PTPRG: variants seen among roughly 807,000 people sequenced by gnomAD.
The protein encoded by PTPRG is receptor-type tyrosine-protein phosphatase gamma.
Under a neutral mutation model 165.3 loss-of-function variants are expected in PTPRG, and 102 were observed. The observed-to-expected ratio is 0.62, with a 90% CI of 0.53 to 0.73. PTPRG has a LOEUF of 0.73. PTPRG is among the 30% of genes least tolerant of loss of function. The pLI, the probability that PTPRG is intolerant of heterozygous loss-of-function variation, is 0.00. For synonymous variants in PTPRG, 675 were observed against 669.5 expected, an observed-to-expected ratio of 1.01 and a Z score of -0.13; for missense variants, 1,866 against 1,861.4, an observed-to-expected ratio of 1.00 and a Z score of -0.05.
At chr3:61,610,784 T>TCCCTCCCA (rs1559523200) in intron 1 of PTPRG, among the ~76,000 whole-genome samples, 1 of 69,984 alleles carries the variant, frequency 1.4e-5, no homozygotes, top group Non-Finnish European at 2.7e-5. Flanking sequence ...CCTCCCTCCC[T>TCCCTCCCA]CTCTCTCTCC....
At chr3:62,289,599 A>G (rs1369105547) in intron 28 of PTPRG, among the ~76,000 whole-genome samples, 1 of 151,704 alleles carries the variant, frequency 6.6e-6, no homozygotes, top group Non-Finnish European at 1.5e-5. Context: ...CTTTTGATAT[A>G]TTATCAAAAG....
chr3:61,742,363 G>C (rs2033024021), intron 1 of PTPRG: 1 of 906,140 alleles, frequency 1.1e-6, no homozygotes, highest in African/African-American at 1.7e-5. Flanking sequence ...GTGACTCTTA[G>C]GACATTTTTA....
At chr3:61,916,866 C>T (rs2107551421) in intron 2 of PTPRG, among the ~76,000 whole-genome samples, 1 of 152,296 alleles carries the variant, frequency 6.6e-6, no homozygotes, top group East Asian at 1.9e-4. Context: ...TTTAATCACT[C>T]TTGATAAAAA....
At chr3:61,650,976 G>A (rs1036720358) in intron 1 of PTPRG, among the ~76,000 whole-genome samples, 1 of 152,084 alleles carries the variant, frequency 6.6e-6, no homozygotes, top group African/African-American at 2.4e-5. Context: ...TTGCTGTGGA[G>A]TTGTCTAGTA....
rs372934561 is a variant in PTPRG at position 61,856,311 on chromosome 3, C to A, written c.190+107329C>A. Among the ~76,000 whole-genome samples, 37 of 152,166 alleles carry A rather than the reference C, an allele frequency of 2.4e-4. No individual in the cohort carries two copies. The South Asian group carries it at 4.8e-3, about 20-fold the overall frequency. On this transcript the variant is annotated intron_variant, in intron 2 of 29. Coordinates refer to ENST00000474889, the MANE Select transcript of PTPRG (RefSeq NM_002841.4). ...CATTGAGCAGTCACTCCCCACTTCCCATTTCCCACCGCCCCGGCAACCACT... is the reference window on the plus strand; with the variant it reads ...CATTGAGCAGTCACTCCCCACTTCCAATTTCCCACCGCCCCGGCAACCACT...
In PTPRG at chr3:62,203,363, G is replaced by A; in HGVS notation, c.1568G>A (p.Gly523Asp). The change falls in exon 12 of 30, where the codon GGT becomes GAT. Residue 523 changes from glycine (G) to aspartate (D), a missense_variant. Physicochemically the swap from Gly to Asp is moderately conservative, Grantham distance 94. Around this residue, in one of 3 missense-constraint regions of PTPRG, gnomAD observed 1,452 missense variants for 1,463.0 expected, o/e 0.99. Coordinates refer to ENST00000474889, the MANE Select transcript of PTPRG (RefSeq NM_002841.4). This position sits in a 1 kb window ranked among gnomAD's most constrained non-coding sequence, Gnocchi z 6.4. ...CTGCTCGCCGGCCTGGGGTTCGGCG[G>A]TGGTGGCATCTCCTCTTTCCCCAGC... ...STLLAGLGFG[G>D]GGISSFPSTV... The A allele has an allele frequency of 6.2e-7, 1 of 1,613,240 alleles. No homozygotes were observed. The highest frequency in any genetic ancestry group is 8.5e-7 in the Non-Finnish European group (1 of 1,179,622).
chr3:61,736,053 G>A (rs546162013), intron 1 of PTPRG, among the ~76,000 whole-genome samples: 31 of 151,878 alleles, frequency 2.0e-4, no homozygotes, highest in South Asian at 1.9e-3. Context: ...GACTACAGGC[G>A]CAGGCCACCA....
At chr3:62,003,121 C>T (rs756220711) in intron 3 of PTPRG, among the ~76,000 whole-genome samples, 2 of 151,842 alleles carry the variant, frequency 1.3e-5, no homozygotes, top group Non-Finnish European at 2.9e-5. Flanking sequence ...ATTCTGAGAT[C>T]ATTCTCTGGA....
At position 62,038,155 on chromosome 3, in the gene PTPRG, T is replaced by G. The variant is rs1009768289; in HGVS notation, c.519+34658T>G. On this transcript the variant is annotated intron_variant, in intron 4 of 29. Coordinates refer to ENST00000474889, the MANE Select transcript of PTPRG (RefSeq NM_002841.4). ...CTACTAAATAGGGATAAAACTAGTTTGGTCTAGGGTTTTGGAAATTAAATG... is the reference window on the plus strand; with the variant it reads ...CTACTAAATAGGGATAAAACTAGTTGGGTCTAGGGTTTTGGAAATTAAATG... 5.3e-5 allele frequency among the ~76,000 whole-genome samples: 8 copies of G among 152,178 alleles called. No homozygotes were observed. In the East Asian group the frequency reaches 1.5e-3, roughly 29 times the overall value.
chr3:62,256,830 A>G (rs940165628), intron 16 of PTPRG, among the ~76,000 whole-genome samples: 2 of 152,152 alleles, frequency 1.3e-5, no homozygotes, highest in African/African-American at 4.8e-5. Context: ...AATCAGCTAC[A>G]CCTCTGTAAA....
chr3:62,071,258 G>A (rs1227637187), intron 4 of PTPRG, among the ~76,000 whole-genome samples: 1 of 152,082 alleles, frequency 6.6e-6, no homozygotes, highest in African/African-American at 2.4e-5. Flanking sequence ...GGGGCACGTG[G>A]GAGAAATCGC....
At chr3:61,924,010 T>G (rs979589040) in intron 2 of PTPRG, among the ~76,000 whole-genome samples, 1 of 152,234 alleles carries the variant, frequency 6.6e-6, no homozygotes, top group African/African-American at 2.4e-5. Flanking sequence ...GAGGTTTCTT[T>G]AAGATATCCT....
intron 2 of PTPRG, among the ~76,000 whole-genome samples, chr3:61,988,967 TTA>T (rs1337645476): frequency 5.9e-5 from 9 of 152,212 alleles, no homozygotes; most frequent in African/African-American, 2.2e-4. Context: ...AATTCTTTAT[TTA>T]TATGAGTACA....
chr3:62,036,493 A>G (rs951914520), intron 4 of PTPRG, among the ~76,000 whole-genome samples: 2 of 152,172 alleles, frequency 1.3e-5, no homozygotes, highest in African/African-American at 2.4e-5. Context: ...AGAGTGCAGA[A>G]TGTGACATTT....
chr3:62,220,266 C>T (rs878968208), intron 13 of PTPRG, among the ~76,000 whole-genome samples: 1 of 152,218 alleles, frequency 6.6e-6, no homozygotes, highest in Admixed American at 6.5e-5. Flanking sequence ...CTGCCTTTCA[C>T]TCGAAGATGA....
chr3:62,142,110 T>G (rs553431557), intron 6 of PTPRG, among the ~76,000 whole-genome samples: 2 of 149,952 alleles, frequency 1.3e-5, no homozygotes, highest in East Asian at 3.9e-4. Context: ...CAAGGCAGGC[T>G]GAATGAGAAC....
At chr3:61,657,027 TTTA>T (rs1290760615) in intron 1 of PTPRG, among the ~76,000 whole-genome samples, 4 of 152,176 alleles carry the variant, frequency 2.6e-5, no homozygotes, top group African/African-American at 7.2e-5. Flanking sequence ...AGCAAGCATA[TTTA>T]TTGAATATCA....
chr3:61,696,915 C>G (rs1466338736), intron 1 of PTPRG, among the ~76,000 whole-genome samples: 1 of 152,122 alleles, frequency 6.6e-6, no homozygotes, highest in Non-Finnish European at 1.5e-5. Context: ...TTTAAACTTT[C>G]TGAGCTTTAA....
chr3:62,038,696 A>G lies in PTPRG; in HGVS notation c.519+35199A>G, dbSNP rs190366143. Among the ~76,000 whole-genome samples, 805 of 152,290 alleles carry G rather than the reference A, an allele frequency of 5.3e-3. 3 individuals carry two copies. The highest frequency in any genetic ancestry group is 8.6e-3 in the Non-Finnish European group (588 of 68,024). On this transcript the variant is annotated intron_variant, in intron 4 of 29. Coordinates refer to ENST00000474889, the MANE Select transcript of PTPRG (RefSeq NM_002841.4). ...CAGGTGTCAGACACCTTGCCCGGCC[A>G]TGCTTTGTTTCTTAATGACCGCAGT...
Sources: allele counts gnomAD v4.1 joint callset (sites outside exome capture counted in the v4.1 genomes callset), GRCh38; gene constraint gnomAD v4.1.1; regional missense constraint gnomAD v4.1.1; non-coding constraint Gnocchi (gnomAD v3.1); transcripts MANE v1.5; gene names NCBI Gene and HGNC (gene_info 2026-07-23, HGNC 2026-07-21).